Variants in ANKS1B observed in about 807,000 individuals in gnomAD.
ANKS1B encodes ankyrin repeat and sterile alpha motif domain-containing protein 1B.
Under a neutral mutation model 148.3 loss-of-function variants are expected in ANKS1B, and 36 were observed. The observed-to-expected ratio is 0.24, with a 90% confidence interval of 0.19 to 0.32. The LOEUF (loss-of-function observed/expected upper bound fraction) is 0.32, where lower values mean the gene tolerates loss of function less well. ANKS1B is among the 10% of genes least tolerant of loss of function. ANKS1B has a pLI of 1.00. For synonymous variants in ANKS1B, 542 were observed against 560.8 expected (o/e 0.97, Z 0.47); for missense variants, 1,157 against 1,542.6 (o/e 0.75, Z 4.19).
At chr12:99,380,382 C>CT (rs1472040814) in intron 12 of ANKS1B, among the ~76,000 whole-genome samples, 1 of 151,652 alleles carries the variant, frequency 6.6e-6, no homozygotes, top group African/African-American at 2.4e-5. Context: ...AGTTAAAAAA[C>CT]TTTTTTGAGC....
At position 99,053,331 on chromosome 12, in the gene ANKS1B, T is replaced by C. The variant is rs777371448; in HGVS notation, c.2626-22A>G. 14 of 1,563,694 alleles carry C rather than the reference T, an allele frequency of 9.0e-6. No individual in the cohort carries two copies. The South Asian group carries it at 1.7e-4, about 19-fold the overall frequency. Reference sequence around the variant, plus strand: ...TCATCTGTAATAAAGAAAATTACATTAGGATTAAACTGTATACTTTGTGTC... The same window carrying C: ...TCATCTGTAATAAAGAAAATTACATCAGGATTAAACTGTATACTTTGTGTC... On this transcript the variant is annotated intron_variant, in intron 16 of 26. Coordinates refer to ENST00000683438, the MANE Select transcript of ANKS1B (RefSeq NM_001352186.2).
At chr12:98,738,161 A>G (rs1038524705) in intron 9 of ANKS1B, among the ~76,000 whole-genome samples, 1 of 152,254 alleles carries the variant, frequency 6.6e-6, no homozygotes, top group Non-Finnish European at 1.5e-5. Context: ...CTCTGGCATC[A>G]ACAATGACTT....
chr12:98,948,850 A>G (rs1265586561), intron 17 of ANKS1B, among the ~76,000 whole-genome samples: 2 of 151,028 alleles, frequency 1.3e-5, no homozygotes, highest in African/African-American at 4.9e-5. Flanking sequence ...ACTCTCAAAT[A>G]GTAAGAACTG....
At chr12:99,941,964 T>A (rs1345602134) in intron 1 of ANKS1B, among the ~76,000 whole-genome samples, 1 of 152,024 alleles carries the variant, frequency 6.6e-6, no homozygotes, top group East Asian at 1.9e-4. Context: ...AATACGCAAG[T>A]GAAAATGTTC....
intron 11 of ANKS1B, among the ~76,000 whole-genome samples, chr12:99,419,316 C>A (rs941846274): frequency 2.0e-5 from 3 of 152,110 alleles, no homozygotes; most frequent in Admixed American, 1.3e-4. Flanking sequence ...TTATGTATTA[C>A]ATATTGGGTA....
At chr12:98,966,821 C>T (rs1445902676) in intron 17 of ANKS1B, among the ~76,000 whole-genome samples, 4 of 139,466 alleles carry the variant, frequency 2.9e-5, no homozygotes, top group Non-Finnish European at 4.5e-5. Context: ...TTCTCACTCA[C>T]AGGTGGGAAT....
intron 10 of ANKS1B, among the ~76,000 whole-genome samples, chr12:99,476,244 T>C (rs535732646): frequency 1.2e-4 from 18 of 152,026 alleles, no homozygotes; most frequent in African/African-American, 4.1e-4. Context: ...AATAGAAAAA[T>C]TAGCTACACA....
At chr12:99,753,028 T>G (rs1173401053) in intron 8 of ANKS1B, among the ~76,000 whole-genome samples, 1 of 152,100 alleles carries the variant, frequency 6.6e-6, no homozygotes, top group Non-Finnish European at 1.5e-5. Context: ...AACTGCATGA[T>G]TATATAGTAT....
rs11109709 is a variant in ANKS1B at position 99,050,373 on chromosome 12, C to T, written c.2778+2784G>A. Among the ~76,000 whole-genome samples the T allele has an allele frequency of 4.7e-3, 710 of 152,076 alleles. 10 individuals carry two copies. Among genetic ancestry groups the T allele is most frequent in the African/African-American group, 0.016 (672 of 41,484 alleles). On this transcript the variant is annotated intron_variant, in intron 17 of 26. Coordinates refer to ENST00000683438, the MANE Select transcript of ANKS1B (RefSeq NM_001352186.2). Reference sequence around the variant, plus strand: ...CTGAAGGTTCAGGTCAATATTTGTCCGTAATTAACATGGACATAATTAATC... The same window carrying T: ...CTGAAGGTTCAGGTCAATATTTGTCTGTAATTAACATGGACATAATTAATC...
At chr12:98,783,392 G>A (rs1432602207) in intron 22 of ANKS1B, among the ~76,000 whole-genome samples, 1 of 152,216 alleles carries the variant, frequency 6.6e-6, no homozygotes, top group Non-Finnish European at 1.5e-5. Context: ...GAGAAGAAGA[G>A]GACGAGGCGG....
intron 9 of ANKS1B, among the ~76,000 whole-genome samples, chr12:99,515,846 A>G (rs73379553): frequency 0.016 from 2,414 of 152,226 alleles, 77 homozygotes; most frequent in African/African-American, 0.055. Context: ...TCTTTTGGAT[A>G]AAAGTCATTT....
At chr12:98,792,522 T>G (rs987194031) in intron 22 of ANKS1B, among the ~76,000 whole-genome samples, 4 of 152,210 alleles carry the variant, frequency 2.6e-5, no homozygotes, top group South Asian at 2.1e-4. Context: ...GTCACCCTAC[T>G]GTGCAATTGG....
At chr12:99,026,397 T>G (rs2099948785) in intron 17 of ANKS1B, among the ~76,000 whole-genome samples, 1 of 152,178 alleles carries the variant, frequency 6.6e-6, no homozygotes, top group Non-Finnish European at 1.5e-5. Context: ...TAGACTCTGG[T>G]GGTCTCTGTT....
At chr12:99,467,712 C>A (rs2096151403) in intron 10 of ANKS1B, among the ~76,000 whole-genome samples, 1 of 152,078 alleles carries the variant, frequency 6.6e-6, no homozygotes, top group Admixed American at 6.5e-5. Context: ...GAATAAAATA[C>A]CTAGGAATCC....
Position 98,745,848 on chromosome 12 carries a change from T to C in ANKS1B, c.3749A>G (p.Gln1250Arg). The C allele has an allele frequency of 6.2e-7, 1 of 1,612,810 alleles. No individual in the cohort carries two copies. Among genetic ancestry groups the C allele is most frequent in the Non-Finnish European group, 8.5e-7 (1 of 1,179,372 alleles). ...AGTCTTTTGCTCAGATGGGTCGATC[T>C]GCTTTAAAACAGAAAGGCTGATGCC... ...KPRVSIRKSV[Q>R]IDPSEQKTLA... The change falls in exon 27 of 27, where the codon CAG (glutamine) becomes CGG (arginine). Residue 1250 changes from glutamine to arginine, a missense_variant and splice_region_variant. By Grantham distance (43) the Gln-to-Arg change is conservative. Transcript: ENST00000683438.
chr12:99,710,584 T>C (rs1299769306), intron 8 of ANKS1B, among the ~76,000 whole-genome samples: 1 of 149,940 alleles, frequency 6.7e-6, no homozygotes, highest in Non-Finnish European at 1.5e-5. Context: ...GTTTTTTCTT[T>C]ATAATACCTT....
chr12:99,481,594 T>G (rs951602012), intron 10 of ANKS1B, among the ~76,000 whole-genome samples: 10 of 152,042 alleles, frequency 6.6e-5, no homozygotes, highest in African/African-American at 2.4e-4. Flanking sequence ...GATCTACATT[T>G]AGCTCTTTAA....
At chr12:99,532,338 G>T (rs757922603) in intron 9 of ANKS1B, among the ~76,000 whole-genome samples, 2 of 152,094 alleles carry the variant, frequency 1.3e-5, no homozygotes, top group Non-Finnish European at 2.9e-5. Context: ...TACATTTAAG[G>T]TTTTTTTGTT....
chr12:99,098,152 A>G (rs2056824115), intron 15 of ANKS1B, among the ~76,000 whole-genome samples: 1 of 152,228 alleles, frequency 6.6e-6, no homozygotes, highest in South Asian at 2.1e-4. Flanking sequence ...TTTACAGATG[A>G]GAAAATGGAA....
Sources: allele counts gnomAD v4.1 joint callset (sites outside exome capture counted in the v4.1 genomes callset), GRCh38; gene constraint gnomAD v4.1.1; transcripts MANE v1.5; gene names NCBI Gene and HGNC (gene_info 2026-07-23, HGNC 2026-07-21).